The following KALRN variants were observed in gnomAD, a reference collection of about 807,000 sequenced individuals.
KALRN encodes kalirin.
A neutral mutation model predicts 353.7 loss-of-function variants in KALRN; 70 were observed. That is an observed-to-expected ratio of 0.20 (90% CI 0.16 to 0.24). The LOEUF is 0.24. Among genes scored for constraint, KALRN ranks in the 10% least tolerant of loss-of-function variants. The pLI, the probability that KALRN is intolerant of heterozygous loss-of-function variation, is 1.00. For missense variants in KALRN, 2,791 were observed against 3,756.7 expected (o/e 0.74, Z 6.72); for synonymous variants, 1,391 against 1,434.8 (o/e 0.97, Z 0.69).
At chr3:124,566,600 A>C (rs1035063239) in intron 34 of KALRN, among the ~76,000 whole-genome samples, 2 of 151,942 alleles carry the variant, frequency 1.3e-5, no homozygotes, top group Non-Finnish European at 2.9e-5. Flanking sequence ...AGTTATGCAC[A>C]TAGCCCAGCC....
intron 4 of KALRN, among the ~76,000 whole-genome samples, chr3:124,265,870 C>G (rs1453349599): frequency 6.6e-6 from 1 of 152,136 alleles, no homozygotes; most frequent in East Asian, 1.9e-4. Context: ...AATCCCAACA[C>G]TTTGGGAGGC....
chr3:124,110,754 G>T (rs1348348148), intron 1 of KALRN, among the ~76,000 whole-genome samples: 1 of 152,118 alleles, frequency 6.6e-6, no homozygotes, highest in Non-Finnish European at 1.5e-5. Flanking sequence ...TGGGTTTCAG[G>T]TTTGCATTAA....
intron 25 of KALRN, among the ~76,000 whole-genome samples, chr3:124,470,784 C>G (rs1561048895): frequency 6.6e-6 from 1 of 152,180 alleles, no homozygotes; most frequent in African/African-American, 2.4e-5. Flanking sequence ...TTCCTTGAGA[C>G]AAAGTCTGAT....
intron 5 of KALRN, among the ~76,000 whole-genome samples, chr3:124,272,567 C>T (rs183250916): frequency 7.9e-5 from 12 of 151,232 alleles, no homozygotes; most frequent in African/African-American, 2.2e-4. Flanking sequence ...CGAATGTGCA[C>T]GTGTGTATGT....
At chr3:124,427,093 C>T (rs183144440) in intron 15 of KALRN, among the ~76,000 whole-genome samples, 230 of 152,258 alleles carry the variant, frequency 1.5e-3, no homozygotes, top group African/African-American at 5.2e-3. Flanking sequence ...TTAGCATGTC[C>T]TTATTCTCCT....
chr3:124,508,367 G>T (rs987092870), intron 33 of KALRN, among the ~76,000 whole-genome samples: 1 of 152,112 alleles, frequency 6.6e-6, no homozygotes, highest in African/African-American at 2.4e-5. Context: ...TACCTTCTAT[G>T]CAGGTATCCC....
chr3:124,656,566 G>A (rs778117088), intron 39 of KALRN, among the ~76,000 whole-genome samples: 6 of 152,008 alleles, frequency 3.9e-5, no homozygotes, highest in East Asian at 1.9e-4. Flanking sequence ...AGCTGAGATC[G>A]CGCCACCGCA....
intron 33 of KALRN, among the ~76,000 whole-genome samples, chr3:124,539,909 A>AG (rs1407286698): frequency 8.3e-6 from 1 of 120,664 alleles, no homozygotes; most frequent in Non-Finnish European, 1.7e-5. Flanking sequence ...CACCACACCA[A>AG]GCTAATTTTT....
At chr3:124,336,870 T>C (rs2081184797) in intron 9 of KALRN, among the ~76,000 whole-genome samples, 1 of 152,180 alleles carries the variant, frequency 6.6e-6, no homozygotes, top group Non-Finnish European at 1.5e-5. Flanking sequence ...CTTGTAGTTG[T>C]ATACGTAGGT....
chr3:124,714,775 A>G (rs1579084174), intron 58 of KALRN, among the ~76,000 whole-genome samples: 1 of 152,136 alleles, frequency 6.6e-6, no homozygotes, highest in Non-Finnish European at 1.5e-5. Context: ...TAGCACTTTG[A>G]GAGGCCGAGG....
At chr3:124,683,092 G>A (rs539211329) in intron 51 of KALRN, among the ~76,000 whole-genome samples, 1 of 152,032 alleles carries the variant, frequency 6.6e-6, no homozygotes, top group Non-Finnish European at 1.5e-5. Context: ...GGGGGTGAAA[G>A]GGGGGCATCA....
chr3:124,168,746 C>G (rs956166527), intron 1 of KALRN, among the ~76,000 whole-genome samples: 1 of 152,160 alleles, frequency 6.6e-6, no homozygotes. Flanking sequence ...GAAAAGGCAC[C>G]AAATGTGGTA....
chr3:124,635,527 G>T (rs943239455), intron 36 of KALRN, among the ~76,000 whole-genome samples: 8 of 152,120 alleles, frequency 5.3e-5, no homozygotes, highest in African/African-American at 1.7e-4. Flanking sequence ...CCTTATTCCT[G>T]CTTGTTTGAT....
At chr3:124,152,946 CT>C in intron 1 of KALRN, 1 of 192,354 alleles carries the variant, frequency 5.2e-6, no homozygotes. Flanking sequence ...AAGCTTCCTC[CT>C]TGCCTTTTGA....
At chr3:124,065,156 G>C (rs1412544116) in intron 1 of KALRN, among the ~76,000 whole-genome samples, 37 of 152,116 alleles carry the variant, frequency 2.4e-4, no homozygotes, top group Non-Finnish European at 1.0e-4. Context: ...AAGAGAGAAG[G>C]TTTCTTATTT....
intron 10 of KALRN, among the ~76,000 whole-genome samples, chr3:124,358,915 A>G (rs2083708393): frequency 6.6e-6 from 1 of 152,126 alleles, no homozygotes; most frequent in Non-Finnish European, 1.5e-5. Flanking sequence ...GATTCAAAAG[A>G]ACCTCGGATG....
At chr3:124,641,348 C>G (rs1475090976) in intron 37 of KALRN, among the ~76,000 whole-genome samples, 1 of 152,188 alleles carries the variant, frequency 6.6e-6, no homozygotes, top group Non-Finnish European at 1.5e-5. Context: ...ATAGAACTAA[C>G]ACACTTTTTC....
chr3:124,122,681 A>G (rs1393559952), intron 1 of KALRN, among the ~76,000 whole-genome samples: 1 of 152,148 alleles, frequency 6.6e-6, no homozygotes, highest in Non-Finnish European at 1.5e-5. Context: ...ATAAAACTGC[A>G]AACTTAATAA....
chr3:124,119,331 T>C (rs1312810245), intron 1 of KALRN, among the ~76,000 whole-genome samples: 1 of 152,228 alleles, frequency 6.6e-6, no homozygotes, highest in Admixed American at 6.5e-5. Context: ...AGGGGACTGA[T>C]GGTACAAAGA....
Sources: allele counts gnomAD v4.1 joint callset (sites outside exome capture counted in the v4.1 genomes callset), GRCh38; gene constraint gnomAD v4.1.1; transcripts MANE v1.5; gene names NCBI Gene and HGNC (gene_info 2026-07-23, HGNC 2026-07-21).